SPAM1: variants seen among roughly 807,000 people sequenced by gnomAD.
SPAM1 encodes sperm adhesion molecule 1.
SPAM1 carries 22 observed loss-of-function variants against 29.6 expected under a neutral mutation model. That is an observed-to-expected ratio of 0.74 (90% confidence interval 0.53 to 1.06). The LOEUF (loss-of-function observed/expected upper bound fraction) is 1.06. SPAM1 is among the 50% of genes least tolerant of loss of function. The probability of loss-of-function intolerance (pLI) is 0.00; values close to 1 mark genes in which losing one functional copy is unlikely to be tolerated. For missense variants in SPAM1, 534 were observed against 604.0 expected, an observed-to-expected ratio of 0.88 and a Z score of 1.21; for synonymous variants, 194 against 204.6, an observed-to-expected ratio of 0.95 and a Z score of 0.44.
intron 1 of SPAM1, among the ~76,000 whole-genome samples, chr7:123,943,594 T>C (rs1432457769): frequency 2.0e-5 from 3 of 152,190 alleles, no homozygotes; most frequent in East Asian, 3.8e-4. Context: ...TATTTGACAA[T>C]ACTTCCTGTA....
At chr7:123,968,469 A>G (rs980498140) in intron 5 of SPAM1, among the ~76,000 whole-genome samples, 1 of 152,022 alleles carries the variant, frequency 6.6e-6, no homozygotes, top group African/African-American at 2.4e-5. Flanking sequence ...CCTAACCTCA[A>G]TCTGACACTA....
At chr7:123,947,641 T>C (rs1808626702) in intron 1 of SPAM1, 1 of 151,276 alleles carries the variant, frequency 6.6e-6, no homozygotes, top group Non-Finnish European at 1.5e-5. Context: ...CACACTAACA[T>C]TTCAAAAGAT....
intron 1 of SPAM1, among the ~76,000 whole-genome samples, chr7:123,933,258 C>G (rs1203288126): frequency 1.3e-5 from 2 of 151,798 alleles, no homozygotes; most frequent in African/African-American, 4.8e-5. Context: ...GTGTGATGTT[C>G]CCCTCCCTGT....
At chr7:123,929,397 T>C (rs1807996424) in intron 1 of SPAM1, among the ~76,000 whole-genome samples, 1 of 152,080 alleles carries the variant, frequency 6.6e-6, no homozygotes, top group South Asian at 2.1e-4. Context: ...TAGTTGTTCC[T>C]AGGGGGTTGT....
At chr7:123,929,670 G>C (rs1808006199) in intron 1 of SPAM1, among the ~76,000 whole-genome samples, 1 of 152,074 alleles carries the variant, frequency 6.6e-6, no homozygotes, top group Non-Finnish European at 1.5e-5. Context: ...GGGAAGACTT[G>C]CAGCTGATGG....
intron 1 of SPAM1, among the ~76,000 whole-genome samples, chr7:123,936,643 A>G (rs1808251097): frequency 6.6e-6 from 1 of 152,152 alleles, no homozygotes; most frequent in African/African-American, 2.4e-5. Context: ...GGCTTGGTTT[A>G]TCTTAGTTCT....
chr7:123,967,250 G>A (rs1342083670), intron 5 of SPAM1, among the ~76,000 whole-genome samples: 6 of 152,000 alleles, frequency 3.9e-5, no homozygotes, highest in African/African-American at 1.2e-4. Context: ...GTCACAGTAC[G>A]TATCCTGAAG....
At chr7:123,936,518 TA>T (rs1234108036) in intron 1 of SPAM1, among the ~76,000 whole-genome samples, 2 of 152,222 alleles carry the variant, frequency 1.3e-5, no homozygotes, top group East Asian at 1.9e-4. Context: ...GTAGAGCAGT[TA>T]GGGGGAATTG....
At chr7:123,947,147 A>C (rs1421593353) in intron 1 of SPAM1, among the ~76,000 whole-genome samples, 1 of 152,140 alleles carries the variant, frequency 6.6e-6, no homozygotes, top group South Asian at 2.1e-4. Context: ...TTTAAAGGAG[A>C]AATTATTTTT....
At position 123,959,839 on chromosome 7, in the gene SPAM1, C is replaced by T; in HGVS notation, c.1400C>T (p.Ala467Val). Residue 467 changes from alanine to valine, a missense_variant, in exon 5 of 5, where the codon GCT becomes GTT. Ala to Val is a moderately conservative substitution (Grantham distance 64). Transcript: ENST00000682466. The part of the protein sequence containing the change: ...VCIADGVCID[A>V]FLKPPMETEE... ...ATTGCTGATGGTGTCTGTATAGATG[C>T]TTTTCTAAAACCTCCCATGGAGACA... The T allele has an allele frequency of 1.2e-6, 2 of 1,613,140 alleles. No individual in the cohort carries two copies. The highest frequency in any genetic ancestry group is 1.7e-6 in the Non-Finnish European group (2 of 1,179,518).
chr7:123,942,518 A>G lies in SPAM1; in HGVS notation c.-318-7354A>G, dbSNP rs555692532. Reference sequence around the variant, plus strand: ...GTCTTATTATACTTGGCCATAGTATATGCATAAAATCAGCAAGAATAATTG... The same window carrying G: ...GTCTTATTATACTTGGCCATAGTATGTGCATAAAATCAGCAAGAATAATTG... On this transcript the variant is annotated intron_variant, in intron 1 of 4. Coordinates refer to ENST00000682466, the MANE Select transcript of SPAM1 (RefSeq NM_153189.3). Among the ~76,000 whole-genome samples the G allele has an allele frequency of 1.2e-4, 19 of 152,380 alleles. No individual in the cohort carries two copies. The East Asian group carries it at 1.3e-3, about 11-fold the overall frequency.
intron 1 of SPAM1, among the ~76,000 whole-genome samples, chr7:123,944,201 C>A (rs528614169): frequency 5.9e-5 from 9 of 152,040 alleles, no homozygotes; most frequent in Middle Eastern, 3.4e-3. Context: ...AGTTTCTGGC[C>A]CTGTATCTCA....
intron 5 of SPAM1, among the ~76,000 whole-genome samples, chr7:123,965,497 G>A (rs578184337): frequency 7.5e-4 from 114 of 152,044 alleles, no homozygotes; most frequent in African/African-American, 2.5e-3. Context: ...AAGGAAGGGG[G>A]TCCAGTTTCA....
chr7:123,955,210 T>G (rs1792223549), intron 4 of SPAM1, 124 bp downstream of exon 4: 1 of 625,356 alleles, frequency 1.6e-6, no homozygotes, highest in African/African-American at 1.9e-5. Context: ...GGTGCTCAAT[T>G]AATACTGGCT....
intron 1 of SPAM1, among the ~76,000 whole-genome samples, chr7:123,936,576 A>G (rs911231653): frequency 5.9e-5 from 9 of 152,244 alleles, no homozygotes; most frequent in African/African-American, 2.2e-4. Flanking sequence ...GGGAAACAGT[A>G]TAAGGAAGTG....
chr7:123,933,052 A>T (rs548607765), intron 1 of SPAM1, among the ~76,000 whole-genome samples: 29 of 147,810 alleles, frequency 2.0e-4, no homozygotes, highest in South Asian at 1.9e-3. Flanking sequence ...TATTTATTTT[A>T]TTTTTTTTTT....
chr7:123,926,341 C>T (rs562931921), intron 1 of SPAM1, among the ~76,000 whole-genome samples: 1 of 152,302 alleles, frequency 6.6e-6, no homozygotes, highest in South Asian at 2.1e-4. Context: ...GCACGGACCA[C>T]AGACTGTTTC....
chr7:123,939,885 G>T (rs542196483), intron 1 of SPAM1, among the ~76,000 whole-genome samples: 7 of 152,188 alleles, frequency 4.6e-5, no homozygotes, highest in African/African-American at 1.7e-4. Context: ...GTACTGTTAG[G>T]TTGTTTTCAC....
chr7:123,947,748 G>C (rs1383044741), intron 1 of SPAM1: 1 of 152,090 alleles, frequency 6.6e-6, no homozygotes, highest in African/African-American at 2.4e-5. Context: ...TTCTGACCTA[G>C]TCACATCTTA....
Sources: allele counts gnomAD v4.1 joint callset (sites outside exome capture counted in the v4.1 genomes callset), GRCh38; gene constraint gnomAD v4.1.1; transcripts MANE v1.5; gene names NCBI Gene and HGNC (gene_info 2026-07-23, HGNC 2026-07-21).